EPB41L3: variants seen among roughly 807,000 people sequenced by gnomAD.
The protein encoded by EPB41L3 is band 4.1-like protein 3.
In EPB41L3, 57 loss-of-function variants were observed where a neutral mutation model predicts 127.1. The observed-to-expected ratio is 0.45, with a 90% CI of 0.36 to 0.56. EPB41L3 has a LOEUF of 0.56. Ranked by LOEUF, EPB41L3 falls within the 20% of genes least tolerant of loss-of-function variation. The probability of loss-of-function intolerance (pLI) is 0.00; values close to 1 mark genes in which losing one functional copy is unlikely to be tolerated. For synonymous variants in EPB41L3, 572 were observed against 549.5 expected (o/e 1.04, Z -0.57); for missense variants, 1,273 against 1,372.2 (o/e 0.93, Z 1.14).
chr18:5,461,306 A>G (rs988696562), intron 3 of EPB41L3, among the ~76,000 whole-genome samples: 2 of 152,228 alleles, frequency 1.3e-5, no homozygotes, highest in Non-Finnish European at 2.9e-5. Flanking sequence ...CCAGTTTTCC[A>G]AACACCATAA....
chr18:5,596,287 T>TG (rs1382147431), intron 3 of EPB41L3, among the ~76,000 whole-genome samples: 1 of 152,226 alleles, frequency 6.6e-6, no homozygotes, highest in Admixed American at 6.5e-5. Flanking sequence ...CTGTAGGTCC[T>TG]GGGGCCAAGG....
chr18:5,620,743 A>G (rs553276600), intron 1 of EPB41L3, among the ~76,000 whole-genome samples: 2 of 152,304 alleles, frequency 1.3e-5, no homozygotes, highest in African/African-American at 4.8e-5. Context: ...TCCAATATCT[A>G]ACTATTAGAG....
chr18:5,506,099 C>T (rs1437132864), intron 1 of EPB41L3, among the ~76,000 whole-genome samples: 4 of 152,040 alleles, frequency 2.6e-5, no homozygotes, highest in Non-Finnish European at 5.9e-5. Context: ...ACGCCTTCTC[C>T]TCGCCTACCA....
intron 3 of EPB41L3, chr18:5,570,656 GGTTTGTTACATAT>G (rs1353210954): frequency 6.6e-6 from 1 of 151,830 alleles, no homozygotes; most frequent in Non-Finnish European, 1.5e-5. Context: ...ACAACGTGCA[GGTTTGTTACATAT>G]GTAGACATGT....
chr18:5,396,329 A>C lies in EPB41L3; in HGVS notation c.2845T>G (p.Ser949Ala). 1 of 1,614,154 alleles carries C rather than the reference A, an allele frequency of 6.2e-7. No individual in the cohort carries two copies. The highest frequency in any genetic ancestry group is 1.3e-5 in the African/African-American group (1 of 75,054). The change falls in exon 19 of 23, where the codon TCA (serine) becomes GCA (alanine). Residue 949 changes from serine (S) to alanine (A), a missense_variant. By Grantham distance (99) the Ser-to-Ala change is moderately conservative (BLOSUM62 1). This residue lies in a region of EPB41L3 where 765 missense variants were observed against 782.9 expected (regional missense o/e 0.98). Coordinates refer to ENST00000341928, the MANE Select transcript of EPB41L3 (RefSeq NM_012307.5). ...TLEQKPHFES[S>A]TVKTETISFG... ...CTGATGGTTTCCGTCTTCACCGTTG[A>C]GGACTGTGCCAAAGGGGAGTAAGCA...
At chr18:5,530,727 A>C (rs2093384665) in intron 1 of EPB41L3, among the ~76,000 whole-genome samples, 1 of 152,044 alleles carries the variant, frequency 6.6e-6, no homozygotes, top group Non-Finnish European at 1.5e-5. Flanking sequence ...TTTAGGTCTC[A>C]GGTTGGACAC....
chr18:5,545,678 T>C (rs952547073), upstream of EPB41L3, among the ~76,000 whole-genome samples: 1 of 152,074 alleles, frequency 6.6e-6, no homozygotes, highest in Non-Finnish European at 1.5e-5. Flanking sequence ...AAATACCAGG[T>C]TGGTGTTCGG....
intron 1 of EPB41L3, among the ~76,000 whole-genome samples, chr18:5,534,415 G>A (rs770614195): frequency 1.1e-4 from 17 of 152,118 alleles, no homozygotes; most frequent in Admixed American, 7.2e-4. Flanking sequence ...AGTACTTGTC[G>A]GGACATAAGG....
chr18:5,533,684 C>A (rs1015542346), intron 1 of EPB41L3, among the ~76,000 whole-genome samples: 1 of 152,146 alleles, frequency 6.6e-6, no homozygotes, highest in Admixed American at 6.5e-5. Flanking sequence ...AAAATTAACC[C>A]CAACTGAAGA....
chr18:5,569,396 C>T (rs1343520656), intron 3 of EPB41L3, among the ~76,000 whole-genome samples: 1 of 152,090 alleles, frequency 6.6e-6, no homozygotes, highest in East Asian at 1.9e-4. Context: ...GGCTCATGAA[C>T]AATTAGATTA....
At chr18:5,438,167 C>T (rs1229711787) in intron 5 of EPB41L3, 57 bp from the exon 6 acceptor site, 27 of 1,530,840 alleles carry the variant, frequency 1.8e-5, no homozygotes, top group South Asian at 1.4e-4. Flanking sequence ...TGACTCTAAT[C>T]GATGGCCAGA....
At chr18:5,417,755 G>A (rs904712072) in intron 12 of EPB41L3, among the ~76,000 whole-genome samples, 2 of 152,208 alleles carry the variant, frequency 1.3e-5, no homozygotes, top group Non-Finnish European at 2.9e-5. Context: ...TTTTTACGAT[G>A]AGAGAAGTAT....
Position 5,422,697 on chromosome 18 carries a change from C to G in EPB41L3, c.1339+681G>C, listed in dbSNP as rs539943107. ...ATTACTTCAGAGAGCAATCAAGAAA[C>G]TGTTCGATAAAACAAAACCCTACTA... On this transcript the variant is annotated intron_variant, in intron 11 of 22. Coordinates refer to ENST00000341928, the MANE Select transcript of EPB41L3 (RefSeq NM_012307.5). Among the ~76,000 whole-genome samples the G allele has an allele frequency of 3.3e-5, 5 of 152,286 alleles. No individual in the cohort carries two copies. The South Asian group carries it at 1.0e-3, about 32-fold the overall frequency.
upstream of EPB41L3, among the ~76,000 whole-genome samples, chr18:5,547,323 A>T (rs1219326326): frequency 3.3e-5 from 5 of 152,218 alleles, no homozygotes; most frequent in Non-Finnish European, 7.3e-5. Context: ...ATAGAAAAGT[A>T]GTTCTTGGGT....
At chr18:5,568,738 T>C (rs2094240339) in intron 3 of EPB41L3, among the ~76,000 whole-genome samples, 1 of 152,176 alleles carries the variant, frequency 6.6e-6, no homozygotes, top group Admixed American at 6.5e-5. Context: ...AATATTTTGT[T>C]CCTAAGGCCC....
rs915843610 is a variant in EPB41L3 at position 5,499,418 on chromosome 18, C to T, written c.-11-10224G>A. ...GCATGTTGCCAATATGCCACCTTATCCTTTTACTCACTGTAAGTCAAATAT... is the reference window on the plus strand; with the variant it reads ...GCATGTTGCCAATATGCCACCTTATTCTTTTACTCACTGTAAGTCAAATAT... On this transcript the variant is annotated intron_variant, in intron 1 of 22. Transcript: ENST00000341928. Among the ~76,000 whole-genome samples, 5 of 152,176 alleles carry T rather than the reference C, an allele frequency of 3.3e-5. No homozygotes were observed. The East Asian group carries it at 7.7e-4, about 23-fold the overall frequency.
chr18:5,437,919 AT>A, intron 6 of EPB41L3, 115 bp downstream of exon 6: 1 of 839,380 alleles, frequency 1.2e-6, no homozygotes, highest in Non-Finnish European at 1.8e-6. Context: ...TTTGTTTGCC[AT>A]TTGAGCGTGG....
At chr18:5,613,864 GATTT>G (rs1157787342) in intron 2 of EPB41L3, among the ~76,000 whole-genome samples, 1 of 152,112 alleles carries the variant, frequency 6.6e-6, no homozygotes, top group Non-Finnish European at 1.5e-5. Flanking sequence ...ACATGAAATG[GATTT>G]ATTATTGTTA....
At chr18:5,423,952 T>C (rs2077812700) in intron 10 of EPB41L3, among the ~76,000 whole-genome samples, 1 of 152,130 alleles carries the variant, frequency 6.6e-6, no homozygotes, top group African/African-American at 2.4e-5. Flanking sequence ...GAGAAATCAC[T>C]GAAATAGTAA....
Sources: allele counts gnomAD v4.1 joint callset (sites outside exome capture counted in the v4.1 genomes callset), GRCh38; gene constraint gnomAD v4.1.1; regional missense constraint gnomAD v4.1.1; transcripts MANE v1.5; gene names NCBI Gene and HGNC (gene_info 2026-07-23, HGNC 2026-07-21).